The following NBAS variants were observed in gnomAD, a reference collection of about 807,000 sequenced individuals.
NBAS encodes the protein NAG/BC035112 fusion.
NBAS carries 219 observed loss-of-function variants against 302.5 expected under a neutral mutation model. That is an observed-to-expected ratio of 0.72 (90% CI 0.65 to 0.81). NBAS has a LOEUF of 0.81. Among genes scored for constraint, NBAS ranks in the 30% least tolerant of loss-of-function variants. The probability of loss-of-function intolerance (pLI) is 0.00; values close to 1 mark genes in which losing one functional copy is unlikely to be tolerated. For missense variants in NBAS, 2,932 were observed against 2,841.6 expected (o/e 1.03, Z -0.72); for synonymous variants, 1,118 against 1,021.6 (o/e 1.09, Z -1.80).
At chr2:15,115,694 G>T in the NBAS span, among the ~76,000 whole-genome samples, 1 of 151,580 alleles carries the variant, frequency 6.6e-6, no homozygotes, top group Non-Finnish European at 1.5e-5. Flanking sequence ...TAACTTTTTT[G>T]TATAGACGAA....
downstream of NBAS, among the ~76,000 whole-genome samples, chr2:15,166,616 G>A (rs914152273): frequency 2.0e-5 from 3 of 152,034 alleles, no homozygotes; most frequent in Non-Finnish European, 2.9e-5. Flanking sequence ...GAATTTGCCC[G>A]AGGTCATTTA....
At chr2:14,944,258 C>T in the NBAS span, among the ~76,000 whole-genome samples, 3 of 152,256 alleles carry the variant, frequency 2.0e-5, no homozygotes, top group South Asian at 6.2e-4. Context: ...CGAGATCGAT[C>T]GCACCACTGC....
At chr2:15,308,957 C>T (rs1671153280) in intron 39 of NBAS, among the ~76,000 whole-genome samples, 1 of 151,980 alleles carries the variant, frequency 6.6e-6, no homozygotes, top group African/African-American at 2.4e-5. Flanking sequence ...CAGCATGGCA[C>T]ATGTATACAT....
chr2:14,914,429 C>T, the NBAS span, among the ~76,000 whole-genome samples: 1 of 152,200 alleles, frequency 6.6e-6, no homozygotes, highest in Non-Finnish European at 1.5e-5. Flanking sequence ...GAATGGGTGT[C>T]CTCTGGCTTC....
the NBAS span, among the ~76,000 whole-genome samples, chr2:14,783,994 C>A: frequency 6.6e-6 from 1 of 152,038 alleles, no homozygotes; most frequent in Non-Finnish European, 1.5e-5. Context: ...TGTTTCCTGA[C>A]TTTTTAATGA....
the NBAS span, among the ~76,000 whole-genome samples, chr2:14,844,814 C>T: frequency 9.9e-5 from 15 of 152,254 alleles, no homozygotes; most frequent in Admixed American, 7.2e-4. Flanking sequence ...TGAGGCTTCC[C>T]TGCCATTGGA....
chr2:14,796,899 C>T, the NBAS span, among the ~76,000 whole-genome samples: 5 of 143,852 alleles, frequency 3.5e-5, no homozygotes, highest in South Asian at 6.6e-4. Flanking sequence ...ACGGTGAAAC[C>T]CCGTCTCTCC....
chr2:14,808,065 C>A, the NBAS span, among the ~76,000 whole-genome samples: 1 of 152,258 alleles, frequency 6.6e-6, no homozygotes, highest in African/African-American at 2.4e-5. Flanking sequence ...AATATTATAG[C>A]TATTATATGC....
In NBAS at chr2:15,193,989, G is replaced by C. The variant is rs115306439; in HGVS notation, c.6433-3586C>G. On this transcript the variant is annotated intron_variant, in intron 48 of 51. Transcript: ENST00000281513. ...AGAACATGGTATTCAGATATCTTCT[G>C]TCTCTCCAGCCAAAAAAAAAATCAA... 1.0e-3 allele frequency among the ~76,000 whole-genome samples: 156 copies of C among 151,794 alleles called. 3 individuals are homozygous for C. The highest frequency in any genetic ancestry group is 3.6e-3 in the African/African-American group (148 of 41,392).
At chr2:15,360,330 T>TAAAAA (rs551926742) in intron 32 of NBAS, among the ~76,000 whole-genome samples, 9 of 92,942 alleles carry the variant, frequency 9.7e-5, no homozygotes, top group Non-Finnish European at 1.4e-4. Flanking sequence ...TACCATAACT[T>TAAAAA]AAAAAAAAAA....
chr2:15,146,369 T>A, the NBAS span, among the ~76,000 whole-genome samples: 7 of 152,212 alleles, frequency 4.6e-5, no homozygotes, highest in African/African-American at 1.4e-4. Context: ...TAAATCTGAT[T>A]TCAGGATAAA....
At chr2:15,052,225 G>A in the NBAS span, among the ~76,000 whole-genome samples, 7 of 152,134 alleles carry the variant, frequency 4.6e-5, no homozygotes, top group African/African-American at 1.4e-4. Context: ...AGGTCATGTG[G>A]CATCCCAACA....
chr2:15,407,810 T>TA (rs1470870238), intron 25 of NBAS, among the ~76,000 whole-genome samples: 2 of 152,204 alleles, frequency 1.3e-5, no homozygotes, highest in African/African-American at 4.8e-5. Context: ...TTTATCCTCT[T>TA]ACAGTTCTGT....
the NBAS span, among the ~76,000 whole-genome samples, chr2:15,009,480 C>G: frequency 6.6e-6 from 1 of 151,592 alleles, no homozygotes; most frequent in African/African-American, 2.4e-5. Context: ...AAATGAAGCT[C>G]TATGTGGTTG....
intron 49 of NBAS, among the ~76,000 whole-genome samples, chr2:15,187,096 A>G (rs1164717134): frequency 6.6e-6 from 1 of 152,142 alleles, no homozygotes; most frequent in African/African-American, 2.4e-5. Context: ...GGAGGTAGTA[A>G]GTGCATTGAA....
chr2:15,241,644 ACAGT>A (rs1267452678), intron 44 of NBAS, among the ~76,000 whole-genome samples: 5 of 152,330 alleles, frequency 3.3e-5, no homozygotes, highest in South Asian at 2.1e-4. Flanking sequence ...AATATGTAAA[ACAGT>A]CAGCACAGTG....
the NBAS span, among the ~76,000 whole-genome samples, chr2:14,846,049 C>A: frequency 6.6e-6 from 1 of 152,060 alleles, no homozygotes; most frequent in Admixed American, 6.6e-5. Context: ...TATCCAAATA[C>A]AAGAAGGTTA....
the NBAS span, among the ~76,000 whole-genome samples, chr2:15,091,600 T>G: frequency 6.6e-6 from 1 of 151,922 alleles, no homozygotes; most frequent in Non-Finnish European, 1.5e-5. Flanking sequence ...TGGCACTATC[T>G]AGGATCACTG....
At chr2:15,187,618 T>G (rs909716273) in intron 49 of NBAS, among the ~76,000 whole-genome samples, 1 of 152,224 alleles carries the variant, frequency 6.6e-6, no homozygotes, top group African/African-American at 2.4e-5. Flanking sequence ...CTGTGTTTCA[T>G]AGAAACATCA....
Sources: allele counts gnomAD v4.1 joint callset (sites outside exome capture counted in the v4.1 genomes callset), GRCh38; gene constraint gnomAD v4.1.1; transcripts MANE v1.5; gene names NCBI Gene and HGNC (gene_info 2026-07-23, HGNC 2026-07-21).